The following MATCAP1 variants were observed in gnomAD, a reference collection of about 807,000 sequenced individuals.
MATCAP1 encodes the protein microtubule-associated tyrosine carboxypeptidase 1.
the MATCAP1 span, chr16:67,180,333 C>G: frequency 6.2e-7 from 1 of 1,612,316 alleles, no homozygotes; most frequent in Non-Finnish European, 8.5e-7. Context: ...GGTGCCACGC[C>G]CCCGCCGGCC....
chr16:67,179,764 A>G, the MATCAP1 span: 32 of 1,608,318 alleles, frequency 2.0e-5, no homozygotes, highest in Admixed American at 8.3e-5. The surrounding 1 kb of genome is among the most constrained non-coding windows in gnomAD (Gnocchi z 5.2). Flanking sequence ...ACCGCCCACA[A>G]GACACCCTGA....
chr16:67,181,670 G>A, the MATCAP1 span: 1 of 152,132 alleles, frequency 6.6e-6, no homozygotes, highest in Non-Finnish European at 1.5e-5. Context: ...CTTTCCATCA[G>A]GATAAACACA....
chr16:67,180,692 G>C, the MATCAP1 span: 2 of 1,052,364 alleles, frequency 1.9e-6, no homozygotes, highest in Non-Finnish European at 2.7e-6. Context: ...GGCATGTGGA[G>C]ACCAGCATGA....
chr16:67,177,137 C>T, the MATCAP1 span, among the ~76,000 whole-genome samples: 1 of 152,214 alleles, frequency 6.6e-6, no homozygotes, highest in Non-Finnish European at 1.5e-5. Flanking sequence ...TAGACTCAAT[C>T]CTTCATCTTT....
the MATCAP1 span, chr16:67,179,267 A>G: frequency 6.8e-7 from 1 of 1,471,150 alleles, no homozygotes. This position sits in a 1 kb window ranked among gnomAD's most constrained non-coding sequence, Gnocchi z 5.2. Context: ...CTACCTCTGT[A>G]AGCAGAGGGC....
At chr16:67,181,131 CTG>C in the MATCAP1 span, among the ~76,000 whole-genome samples, 2 of 152,246 alleles carry the variant, frequency 1.3e-5, no homozygotes, top group African/African-American at 4.8e-5. Context: ...ATTCTAATCT[CTG>C]TGCTCACTCA....
chr16:67,178,673 AAGCTC>A, the MATCAP1 span: 1 of 727,514 alleles, frequency 1.4e-6, no homozygotes, highest in Non-Finnish European at 2.4e-6. Context: ...AGGCAGCGTG[AAGCTC>A]CTCCTCCTGT....
At chr16:67,179,182 G>T in the MATCAP1 span, 2 of 1,331,972 alleles carry the variant, frequency 1.5e-6, no homozygotes, top group Non-Finnish European at 9.6e-7. The surrounding 1 kb of genome is among the most constrained non-coding windows in gnomAD (Gnocchi z 5.2). Flanking sequence ...CGGAGAGGAA[G>T]TGGAGAGAGA....
At chr16:67,178,200 T>C in the MATCAP1 span, 3 of 1,296,842 alleles carry the variant, frequency 2.3e-6, no homozygotes, top group African/African-American at 1.6e-5. Flanking sequence ...GGCGCACACC[T>C]GGCAGCGAGG....
At chr16:67,178,142 CG>C in the MATCAP1 span, 1 of 1,454,560 alleles carries the variant, frequency 6.9e-7, no homozygotes, top group Non-Finnish European at 9.3e-7. Context: ...CCCCGCCCCT[CG>C]CCCGAAGCCC....
chr16:67,183,514 T>G, the MATCAP1 span: 1 of 152,240 alleles, frequency 6.6e-6, no homozygotes, highest in African/African-American at 2.4e-5. Context: ...AAGGCAGGAA[T>G]GGGGTCTGAT....
chr16:67,178,301 G>C, the MATCAP1 span: 2 of 1,582,118 alleles, frequency 1.3e-6, no homozygotes, highest in East Asian at 2.3e-5. Flanking sequence ...AAGAGCTGAC[G>C]GAAGGACATG....
At chr16:67,178,059 A>C in the MATCAP1 span, 2 of 1,614,218 alleles carry the variant, frequency 1.2e-6, no homozygotes, top group Non-Finnish European at 1.7e-6. Flanking sequence ...GCGATGTCGC[A>C]GAATGCGCAC....
At chr16:67,179,441 C>G in the MATCAP1 span, 1 of 1,610,866 alleles carries the variant, frequency 6.2e-7, no homozygotes, top group Non-Finnish European at 8.5e-7. The surrounding 1 kb of genome is among the most constrained non-coding windows in gnomAD (Gnocchi z 5.2). Flanking sequence ...TATCTCATGC[C>G]GCAGCATGCC....
chr16:67,178,308 C>A, the MATCAP1 span: 1 of 1,582,810 alleles, frequency 6.3e-7, no homozygotes, highest in Non-Finnish European at 8.6e-7. Context: ...GACGGAAGGA[C>A]ATGCGCGCGG....
At chr16:67,183,909 C>G in the MATCAP1 span, 1 of 200,532 alleles carries the variant, frequency 5.0e-6, no homozygotes, top group Non-Finnish European at 1.0e-5. Flanking sequence ...CGCTCCCGCT[C>G]TGCTACACCG....
the MATCAP1 span, chr16:67,178,956 T>C: frequency 2.4e-5 from 10 of 411,806 alleles, no homozygotes; most frequent in East Asian, 2.1e-4. Flanking sequence ...GACAGACAGA[T>C]AGGAATAGTG....
At chr16:67,179,468 C>A in the MATCAP1 span, 5 of 1,612,306 alleles carry the variant, frequency 3.1e-6, no homozygotes, top group African/African-American at 5.3e-5. The surrounding 1 kb of genome is among the most constrained non-coding windows in gnomAD (Gnocchi z 5.2). Context: ...CCAGTACTGG[C>A]GGGCTCCGGT....
At chr16:67,178,467 C>T in the MATCAP1 span, 1 of 1,532,790 alleles carries the variant, frequency 6.5e-7, no homozygotes, top group Non-Finnish European at 8.7e-7. Context: ...TGTGCCACGG[C>T]TGGCGCGCGT....
Sources: gnomAD v4.1 joint callset for allele counts (sites outside exome capture counted in the v4.1 genomes callset) on GRCh38, gnomAD v4.1.1 for gene constraint, Gnocchi (gnomAD v3.1) non-coding constraint, MANE v1.5 for transcripts, NCBI Gene and HGNC (gene_info 2026-07-23, HGNC 2026-07-21) for gene names.